Variants in INTS3 observed in about 807,000 individuals in gnomAD.
The protein encoded by INTS3 is integrator complex subunit 3, also known as SOSS complex subunit A.
In INTS3, 34 loss-of-function variants were observed where a neutral mutation model predicts 146.3. The observed-to-expected ratio is 0.23, with a 90% CI of 0.18 to 0.31. The LOEUF (loss-of-function observed/expected upper bound fraction) is 0.31. Ranked by LOEUF, INTS3 falls within the 10% of genes least tolerant of loss-of-function variation. The pLI is 1.00. For synonymous variants in INTS3, 475 were observed against 494.9 expected (o/e 0.96, Z 0.53); for missense variants, 757 against 1,304.2 (o/e 0.58, Z 6.46).
At chr1:153,741,905 G>A (rs1344493625) in intron 3 of INTS3, among the ~76,000 whole-genome samples, 2 of 152,188 alleles carry the variant, frequency 1.3e-5, no homozygotes, top group Non-Finnish European at 2.9e-5. Flanking sequence ...ACTTGTCTGG[G>A]GTTCTTCACA....
rs754316597 is a variant in INTS3 at position 153,771,871 on chromosome 1, G to A, written c.2628G>A (p.Leu876=). ...HPDDQFTTSI[L]RHWCMKHDEL... is the part of the protein sequence containing the mutation. ...ACGACCAGTTCACCACCAGCATCCT[G>A]CGGCACTGGTGCATGAAACATGACG... Residue 876 remains leucine (L), a synonymous_variant, in exon 26 of 30, where the codon CTG becomes CTA. Coordinates refer to ENST00000318967, the MANE Select transcript of INTS3 (RefSeq NM_023015.5). 1.2e-6 allele frequency: 2 copies of A among 1,614,058 alleles called. No homozygotes were observed. Among genetic ancestry groups the A allele is most frequent in the South Asian group, 2.2e-5 (2 of 91,080 alleles).
chr1:153,773,364 C>T lies in INTS3; in HGVS notation c.*94C>T. ...GAGGCTGAGGAGATTGCAGGGGAAA[C>T]ACCCTTGCTGCATCCCCAAGCTCCC... On this transcript the variant is annotated 3_prime_UTR_variant, in exon 30 of 30. Transcript: ENST00000318967. 8.3e-7 allele frequency: 1 copy of T among 1,203,232 alleles called. No homozygotes were observed. The highest frequency in any genetic ancestry group is 1.2e-6 in the Non-Finnish European group (1 of 809,492). The allele number at this position is 1,203,232 out of a possible 1,614,324, so 74.5% of individuals were successfully genotyped here. A position where few individuals can be genotyped will look rare whatever the true frequency, so the allele number is the denominator to read the frequency against.
intron 20 of INTS3, among the ~76,000 whole-genome samples, chr1:153,766,194 T>A (rs1672577147): frequency 6.8e-6 from 1 of 147,654 alleles, no homozygotes; most frequent in Non-Finnish European, 1.5e-5. Flanking sequence ...CGATCTTGGC[T>A]CACTGCAACC....
chr1:153,767,881 T>C (rs1672658274), intron 21 of INTS3, 54 bp downstream of exon 21: 1 of 1,518,648 alleles, frequency 6.6e-7, no homozygotes, highest in Admixed American at 1.8e-5. Context: ...CACACCTCAG[T>C]GAACACTCTG....
intron 1 of INTS3, among the ~76,000 whole-genome samples, chr1:153,736,476 T>C (rs1301160264): frequency 6.6e-6 from 1 of 151,328 alleles, no homozygotes; most frequent in African/African-American, 2.4e-5. Flanking sequence ...AGATGGAGTC[T>C]TGCTCTGTCA....
In INTS3 at chr1:153,728,732, G is replaced by C. The variant is rs375436644; in HGVS notation, c.98G>C (p.Gly33Ala). The stretch of plus-strand genomic sequence containing the variant: ...GGAGCGGGAGCAGGAGCCCCAGGAG[G>C]GGGGAGGCTGCTACTTTCAACCAGT... ...GGGAGAGAPG[G>A]GRLLLSTSLD... is the part of the protein sequence containing the mutation. The change falls in exon 1 of 30, where the codon GGG (glycine) becomes GCG (alanine). Residue 33 changes from glycine (G) to alanine (A), a missense_variant. This residue lies in a region of INTS3 where 160 missense variants were observed against 193.7 expected (regional missense o/e 0.83). Transcript: ENST00000318967. 11 of 1,610,330 alleles carry C rather than the reference G, an allele frequency of 6.8e-6. No individual in the cohort carries two copies. Among genetic ancestry groups the C allele is most frequent in the African/African-American group, 2.7e-5 (2 of 74,584 alleles).
In INTS3 at chr1:153,773,386, T is replaced by TC; in HGVS notation, c.*121dup. 1 of 983,784 alleles carries TC rather than the reference T, an allele frequency of 1.0e-6. No homozygotes were observed. Among genetic ancestry groups the TC allele is most frequent in the Non-Finnish European group, 1.6e-6 (1 of 625,408 alleles). 60.9% of individuals were successfully genotyped at this position (983,784 alleles called of 1,614,324 possible). A position where few individuals can be genotyped will look rare whatever the true frequency, so the allele number is the denominator to read the frequency against. ...AAACACCCTTGCTGCATCCCCAAGC[T>TC]CCCCCGGTGGAAGGAGGAGCTTTCT... On this transcript the variant is annotated 3_prime_UTR_variant, in exon 30 of 30. Transcript: ENST00000318967.
chr1:153,755,981 G>A (rs1428813787), intron 9 of INTS3, among the ~76,000 whole-genome samples: 21 of 151,896 alleles, frequency 1.4e-4, no homozygotes, highest in African/African-American at 4.3e-4. Context: ...CAGAGGTTGC[G>A]ATAAGCCAAG....
In INTS3 at chr1:153,774,226, CTT is replaced by C. The variant is rs1673045434; in HGVS notation, c.*958_*959del. 6.6e-6 allele frequency: 1 copy of C among 152,250 alleles called. No homozygotes were observed. Among genetic ancestry groups the C allele is most frequent in the African/African-American group, 2.4e-5 (1 of 41,450 alleles). 9.4% of individuals were successfully genotyped at this position (152,250 alleles called of 1,614,324 possible). ...TTTGTCTAGAGCAGAAGGGACTTGG[CTT>C]TGGCCACTACCCATCCTTCCTGCTG... On this transcript the variant is annotated 3_prime_UTR_variant, in exon 30 of 30. Transcript: ENST00000318967.
At chr1:153,751,027 G>C in intron 6 of INTS3, 68 bp from the exon 7 acceptor site, 2 of 1,512,110 alleles carry the variant, frequency 1.3e-6, no homozygotes, top group East Asian at 2.3e-5. Context: ...CCAAGCCCAA[G>C]AAGCGTGAAT....
intron 18 of INTS3, 124 bp downstream of exon 18, chr1:153,764,345 C>T (rs2101821648): frequency 2.9e-6 from 2 of 687,506 alleles, no homozygotes; most frequent in South Asian, 3.4e-5. Flanking sequence ...TTTATTCTCA[C>T]ATGTACCAAC....
intron 20 of INTS3, 44 bp from the exon 21 acceptor site, chr1:153,767,630 G>A (rs751912195): frequency 1.3e-6 from 2 of 1,520,766 alleles, no homozygotes; most frequent in South Asian, 1.2e-5. Flanking sequence ...TTGAAGGTGG[G>A]CACTGGGGTC....
At chr1:153,750,362 G>A (rs745557200) in intron 6 of INTS3, among the ~76,000 whole-genome samples, 2 of 152,142 alleles carry the variant, frequency 1.3e-5, no homozygotes, top group African/African-American at 2.4e-5. Context: ...AAAGCAACTG[G>A]GAACAAATCT....
At chr1:153,742,476 CTCTGTG>C (rs1209950121) in intron 3 of INTS3, among the ~76,000 whole-genome samples, 7 of 60,308 alleles carry the variant, frequency 1.2e-4, no homozygotes, top group Admixed American at 1.0e-3. Context: ...GTTTTTTAAT[CTCTGTG>C]TGTGTGTGTG....
Position 153,769,847 on chromosome 1 carries a change from A to G in INTS3, c.2389+3A>G. The stretch of plus-strand genomic sequence containing the variant: ...AGACTCAGTTCTCAACATACTCAGT[A>G]AGTGATCAAATCTTTAGGTGCCTGG... On this transcript the variant is annotated splice_donor_region_variant and intron_variant, in intron 23 of 29. Transcript: ENST00000318967. The G allele has an allele frequency of 6.3e-7, 1 of 1,599,968 alleles. No homozygotes were observed. Among genetic ancestry groups the G allele is most frequent in the Non-Finnish European group, 8.6e-7 (1 of 1,167,150 alleles).
chr1:153,734,249 T>G (rs527697533), intron 1 of INTS3, among the ~76,000 whole-genome samples: 1 of 152,332 alleles, frequency 6.6e-6, no homozygotes, highest in African/African-American at 2.4e-5. Flanking sequence ...CTCTGGAGAC[T>G]AGGGGAAAAG....
intron 14 of INTS3, among the ~76,000 whole-genome samples, 162 bp downstream of exon 14, chr1:153,761,838 G>T (rs1400317897): frequency 6.6e-6 from 1 of 152,148 alleles, no homozygotes; most frequent in African/African-American, 2.4e-5. Flanking sequence ...ATTCATTTTT[G>T]TGTTGTCTGT....
At chr1:153,738,383 C>T (rs745748823) in intron 1 of INTS3, among the ~76,000 whole-genome samples, 6 of 152,188 alleles carry the variant, frequency 3.9e-5, no homozygotes, top group East Asian at 1.9e-4. Flanking sequence ...TGTGAGCTAC[C>T]GTGCCCAGCC....
chr1:153,729,633 C>G (rs1670989661), intron 1 of INTS3, among the ~76,000 whole-genome samples: 1 of 152,006 alleles, frequency 6.6e-6, no homozygotes, highest in Non-Finnish European at 1.5e-5. Context: ...TTTGAGAGAC[C>G]GAGGCAGGCG....
Sources: allele counts gnomAD v4.1 joint callset (sites outside exome capture counted in the v4.1 genomes callset), GRCh38; gene constraint gnomAD v4.1.1; regional missense constraint gnomAD v4.1.1; transcripts MANE v1.5; gene names NCBI Gene and HGNC (gene_info 2026-07-23, HGNC 2026-07-21).